The following ART4 variants were observed in gnomAD, a reference collection of about 807,000 sequenced individuals.
ART4 encodes the protein ecto-ADP-ribosyltransferase 4.
Under a neutral mutation model 24.2 loss-of-function variants are expected in ART4, and 14 were observed. The ratio of observed to expected loss-of-function variants is 0.58; its 90% CI spans 0.38 to 0.90. The LOEUF is 0.90. ART4 is among the 40% of genes least tolerant of loss of function. The pLI, the probability that ART4 is intolerant of heterozygous loss-of-function variation, is 0.00. For synonymous variants in ART4, 145 were observed against 139.9 expected (o/e 1.04, Z -0.26); for missense variants, 356 against 366.6 (o/e 0.97, Z 0.24).
chr12:14,830,649 G>GTATA lies in ART4; in HGVS notation c.854-1191_854-1188dup, dbSNP rs3084548. ...GTGTGTATGTGTGTACTGTATGTATGTATATATATATATATATATATATAT... is the reference window on the plus strand; with the variant it reads ...GTGTGTATGTGTGTACTGTATGTATGTATATATATATATATATATATATATATAT... On this transcript the variant is annotated intron_variant, in intron 2 of 2. Transcript: ENST00000228936. Among the ~76,000 whole-genome samples the GTATA allele has an allele frequency of 5.1e-3, 133 of 25,900 alleles. 2 individuals carry two copies. Among genetic ancestry groups the GTATA allele is most frequent in the Non-Finnish European group, 6.3e-3 (82 of 13,034 alleles). 17.0% of individuals were successfully genotyped at this position (25,900 alleles called of 152,430 possible).
Position 14,827,531 on chromosome 12 carries a change from G to A in ART4, c.*1840C>T, listed in dbSNP as rs1393447117. On this transcript the variant is annotated 3_prime_UTR_variant, in exon 3 of 3. Coordinates refer to ENST00000228936, the MANE Select transcript of ART4 (RefSeq NM_021071.4). ...CAATTTTCCTGCCTCAGCCTCCCAA[G>A]TAGCTGGGATTACAGGTGCGTGCCA... is the stretch of plus-strand genomic sequence containing the variant. The A allele has an allele frequency of 6.6e-6, 1 of 152,452 alleles. No homozygotes were observed. Among genetic ancestry groups the A allele is most frequent in the Non-Finnish European group, 1.5e-5 (1 of 68,304 alleles). The allele number at this position is 152,452 out of a possible 1,614,324, so 9.4% of individuals were successfully genotyped here.
At chr12:14,841,300 C>A in intron 1 of ART4, 147 bp from the exon 2 acceptor site, 1 of 697,298 alleles carries the variant, frequency 1.4e-6, no homozygotes, top group Non-Finnish European at 2.4e-6. Context: ...TACACTGTTC[C>A]AATCCTTACT....
intron 2 of ART4, among the ~76,000 whole-genome samples, chr12:14,830,651 A>ATATG (rs1565427885): frequency 3.3e-3 from 39 of 11,820 alleles, no homozygotes; most frequent in African/African-American, 0.011. Flanking sequence ...GTATGTATGT[A>ATATG]TATATATATA....
chr12:14,830,536 AGTGTGTGTGTGTGTGTGTGT>A (rs55694373), intron 2 of ART4, among the ~76,000 whole-genome samples: 30 of 124,160 alleles, frequency 2.4e-4, no homozygotes, highest in Non-Finnish European at 3.9e-4. Context: ...TCTATATAGG[AGTGTGTGTGTGTGTGTGTGT>A]GTGTGTGTGT....
chr12:14,836,062 T>C (rs764154331), intron 2 of ART4, among the ~76,000 whole-genome samples: 3 of 151,844 alleles, frequency 2.0e-5, no homozygotes, highest in Non-Finnish European at 2.9e-5. Context: ...TTCATATGTG[T>C]ATGTATGTAT....
rs3084548 is a variant in ART4, at chr12:14,830,649, G to GTA, written c.854-1189_854-1188dup. ...GTGTGTATGTGTGTACTGTATGTAT[G>GTA]TATATATATATATATATATATATAT... On this transcript the variant is annotated intron_variant, in intron 2 of 2. Transcript: ENST00000228936. Among the ~76,000 whole-genome samples the GTA allele has an allele frequency of 6.6e-3, 171 of 25,876 alleles. 3 individuals are homozygous for GTA. The highest frequency in any genetic ancestry group is 9.0e-3 in the Admixed American group (15 of 1,658). The allele number at this position is 25,876 out of a possible 152,430, so 17.0% of individuals were successfully genotyped here.
rs1336673760 is a variant in ART4, at chr12:14,842,981, C to T, written c.133G>A (p.Glu45Lys). The T allele has an allele frequency of 2.5e-6, 4 of 1,612,420 alleles. No homozygotes were observed. Among genetic ancestry groups the T allele is most frequent in the Non-Finnish European group, 2.5e-6 (3 of 1,179,366 alleles). ...LLLSGLQRPT[E>K]GSEVAIKIDF... ...AATTGTCCCCCTACCTCAGAACCCT[C>T]TGTGGGTCTCTGCAGGCCAGAGAGG... is the stretch of plus-strand genomic sequence containing the variant. The change falls in exon 1 of 3, where the codon GAG becomes AAG. Residue 45 changes from glutamate to lysine, a missense_variant. Transcript: ENST00000228936.
At position 14,840,941 on chromosome 12, in the gene ART4, G is replaced by T. The variant is rs144350521; in HGVS notation, c.357C>A (p.His119Gln). The change falls in exon 2 of 3, where the codon CAC becomes CAA. Residue 119 changes from histidine (H) to glutamine (Q), a missense_variant. Transcript: ENST00000228936. Reference protein sequence around the residue: ...KVLPQNMTTTHAVAILFYTLN... With the variant: ...KVLPQNMTTTQAVAILFYTLN... ...ATGTATAAAACAAAATAGCCACAGC[G>T]TGTGTGGTAGTCATGTTCTGGGGTA... 21 of 1,614,216 alleles carry T rather than the reference G, an allele frequency of 1.3e-5. No homozygotes were observed. The highest frequency in any genetic ancestry group is 1.8e-5 in the Non-Finnish European group (21 of 1,180,032).
chr12:14,836,654 G>T (rs1950433072), intron 2 of ART4, among the ~76,000 whole-genome samples: 2 of 152,206 alleles, frequency 1.3e-5, no homozygotes. Flanking sequence ...TGAGGCTTAG[G>T]TAGGTCAGGT....
At chr12:14,841,496 T>C (rs903531114) in intron 1 of ART4, among the ~76,000 whole-genome samples, 2 of 152,222 alleles carry the variant, frequency 1.3e-5, no homozygotes, top group African/African-American at 4.8e-5. Context: ...TTCTGTTTCC[T>C]CTACTTTCCC....
chr12:14,838,304 T>C (rs545370845), intron 2 of ART4, among the ~76,000 whole-genome samples: 1 of 152,358 alleles, frequency 6.6e-6, no homozygotes, highest in African/African-American at 2.4e-5. Context: ...GTTTATATTA[T>C]ATACTCCTTT....
intron 2 of ART4, 99 bp from the exon 3 acceptor site, chr12:14,829,561 C>T (rs1465414761): frequency 1.2e-6 from 1 of 803,196 alleles, no homozygotes; most frequent in African/African-American, 1.8e-5. Flanking sequence ...TAGAAAATTC[C>T]TAATAAAAAC....
At chr12:14,837,751 T>C (rs555473157) in intron 2 of ART4, among the ~76,000 whole-genome samples, 1 of 152,252 alleles carries the variant, frequency 6.6e-6, no homozygotes, top group East Asian at 1.9e-4. Flanking sequence ...CTGGCCTCAA[T>C]TGATCCACCC....
At chr12:14,842,043 G>C (rs1386883403) in intron 1 of ART4, among the ~76,000 whole-genome samples, 1 of 152,180 alleles carries the variant, frequency 6.6e-6, no homozygotes, top group Non-Finnish European at 1.5e-5. Context: ...CTCCCCTCCT[G>C]GAAAAGGACA....
At position 14,840,791 on chromosome 12, in the gene ART4, C is replaced by G. The variant is rs140760247; in HGVS notation, c.507G>C (p.Leu169=). 1.9e-6 allele frequency: 3 copies of G among 1,614,172 alleles called. No homozygotes were observed. Among genetic ancestry groups the G allele is most frequent in the Non-Finnish European group, 1.7e-6 (2 of 1,180,024 alleles). The change falls in exon 2 of 3, where the codon CTG becomes CTC. Residue 169 remains leucine (L), a synonymous_variant. Transcript: ENST00000228936. The part of the protein sequence containing the change: ...LHYYLTSAIQ[L]LRKDSIMENG... ...TCTCCATGATGCTGTCTTTCCTCAGCAGCTGGATTGCTGAGGTGAGGTAGT... is the reference window on the plus strand; with the variant it reads ...TCTCCATGATGCTGTCTTTCCTCAGGAGCTGGATTGCTGAGGTGAGGTAGT...
chr12:14,839,179 A>G (rs1950449653), intron 2 of ART4, among the ~76,000 whole-genome samples: 1 of 152,178 alleles, frequency 6.6e-6, no homozygotes, highest in African/African-American at 2.4e-5. Context: ...AAAGGTCCTT[A>G]GCATGAAATA....
rs752932674 is a variant in ART4, at chr12:14,841,095, C to T, written c.203G>A (p.Gly68Asp). The stretch of plus-strand genomic sequence containing the variant: ...TTTCTCCATAACCTGTTTGCTACAG[C>T]CTTGGTACTGATCATCAAAAGAACC... ...APGSFDDQYQ[G>D]CSKQVMEKLT... The change falls in exon 2 of 3, where the codon GGC (glycine) becomes GAC (aspartate). Residue 68 changes from glycine (G) to aspartate (D), a missense_variant. By Grantham distance (94) the Gly-to-Asp change is moderately conservative. Coordinates refer to ENST00000228936, the MANE Select transcript of ART4 (RefSeq NM_021071.4). The T allele has an allele frequency of 6.2e-7, 1 of 1,611,034 alleles. No individual in the cohort carries two copies. Among genetic ancestry groups the T allele is most frequent in the African/African-American group, 1.3e-5 (1 of 74,712 alleles).
chr12:14,829,313 C>G lies in ART4; in HGVS notation c.*58G>C. ...AAATGTCCATTTCTAGCCAAAAGGC[C>G]AATAAAAAAGATTTTATTTAAATAT... On this transcript the variant is annotated 3_prime_UTR_variant, in exon 3 of 3. Coordinates refer to ENST00000228936, the MANE Select transcript of ART4 (RefSeq NM_021071.4). 1 of 1,191,712 alleles carries G rather than the reference C, an allele frequency of 8.4e-7. No homozygotes were observed. The highest frequency in any genetic ancestry group is 1.2e-6 in the Non-Finnish European group (1 of 867,096). 73.8% of individuals were successfully genotyped at this position (1,191,712 alleles called of 1,614,324 possible).
At chr12:14,833,810 A>T (rs946212526) in intron 2 of ART4, among the ~76,000 whole-genome samples, 2 of 152,322 alleles carry the variant, frequency 1.3e-5, no homozygotes, top group African/African-American at 4.8e-5. Flanking sequence ...GGCAAATGCT[A>T]TCTATAGCCT....
Sources: allele counts gnomAD v4.1 joint callset (sites outside exome capture counted in the v4.1 genomes callset), GRCh38; gene constraint gnomAD v4.1.1; transcripts MANE v1.5; gene names NCBI Gene and HGNC (gene_info 2026-07-23, HGNC 2026-07-21).